UBE2E2: variants seen among roughly 807,000 people sequenced by gnomAD.
UBE2E2 encodes the protein ubiquitin-conjugating enzyme E2 E2.
Under a neutral mutation model 24.7 loss-of-function variants are expected in UBE2E2, and 6 were observed. The ratio of observed to expected loss-of-function variants is 0.24; its 90% CI spans 0.13 to 0.48. The LOEUF is 0.48. Among genes scored for constraint, UBE2E2 ranks in the 20% least tolerant of loss-of-function variants. The probability of loss-of-function intolerance (pLI) is 0.99; values close to 1 mark genes in which losing one functional copy is unlikely to be tolerated. For synonymous variants in UBE2E2, 104 were observed against 83.6 expected, an observed-to-expected ratio of 1.24 and a Z score of -1.33; for missense variants, 169 against 245.0, an observed-to-expected ratio of 0.69 and a Z score of 2.07.
chr3:23,591,734 A>G lies in UBE2E2; in HGVS notation c.*1903A>G, dbSNP rs1034010391. The G allele has an allele frequency of 2.0e-5, 3 of 152,246 alleles. No homozygotes were observed. Among genetic ancestry groups the G allele is most frequent in the African/African-American group, 7.2e-5 (3 of 41,468 alleles). 9.4% of individuals were successfully genotyped at this position (152,246 alleles called of 1,614,324 possible). ...ATAGACTGGGGGCTGGATGAAAAAC[A>G]AATAACGATGTGTCATTTCTTTCTT... On this transcript the variant is annotated 3_prime_UTR_variant, in exon 6 of 6. Coordinates refer to ENST00000396703, the MANE Select transcript of UBE2E2 (RefSeq NM_152653.4).
In UBE2E2 at chr3:23,230,112, T is replaced by G. The variant is rs192022820; in HGVS notation, c.227+12800T>G. Among the ~76,000 whole-genome samples the G allele has an allele frequency of 5.9e-5, 9 of 152,322 alleles. No homozygotes were observed. The East Asian group carries it at 1.7e-3, about 29-fold the overall frequency. On this transcript the variant is annotated intron_variant, in intron 3 of 5. Transcript: ENST00000396703. ...CTCCCCTCTGCTATCCACCATTATA[T>G]TCTAAGGACTCTTAAATATTGTGGG...
chr3:23,431,504 T>TAA lies in UBE2E2; in HGVS notation c.228-68098_228-68097dup, dbSNP rs11397342. On this transcript the variant is annotated intron_variant, in intron 3 of 5. Coordinates refer to ENST00000396703, the MANE Select transcript of UBE2E2 (RefSeq NM_152653.4). ...ATTAATATGGATAGATTTAAATCAT[T>TAA]AAAAAAACTTCTCTGATGCCTGTGA... Among the ~76,000 whole-genome samples, 582 of 151,854 alleles carry TAA rather than the reference T, an allele frequency of 3.8e-3. 2 individuals are homozygous for TAA. Among genetic ancestry groups the TAA allele is most frequent in the Non-Finnish European group, 6.5e-3 (440 of 67,952 alleles).
intron 3 of UBE2E2, among the ~76,000 whole-genome samples, chr3:23,488,790 G>A (rs115920994): frequency 5.6e-4 from 86 of 152,308 alleles, no homozygotes; most frequent in African/African-American, 2.0e-3. Flanking sequence ...CAGGTGGGAG[G>A]TGGGGGCGGA....
chr3:23,345,478 C>A (rs1695527283), intron 3 of UBE2E2, among the ~76,000 whole-genome samples: 1 of 152,130 alleles, frequency 6.6e-6, no homozygotes, highest in African/African-American at 2.4e-5. Context: ...GCAAAACATT[C>A]TTTAGAGCTT....
At chr3:23,231,295 A>C (rs567159759) in intron 3 of UBE2E2, among the ~76,000 whole-genome samples, 1 of 152,152 alleles carries the variant, frequency 6.6e-6, no homozygotes, top group Admixed American at 6.5e-5. Flanking sequence ...TATACTTGCT[A>C]TCAGTTCCAC....
rs925050991 is a variant in UBE2E2 at position 23,484,730 on chromosome 3, C to T, written c.228-14878C>T. Among the ~76,000 whole-genome samples the T allele has an allele frequency of 2.2e-4, 33 of 152,156 alleles. No individual in the cohort carries two copies. The East Asian group carries it at 2.7e-3, about 12-fold the overall frequency. ...CTGGGAAGGCCTCACAATCATGGCG[C>T]GAGGTGAAGGGGGAGCAAAGGCAGG... is the stretch of plus-strand genomic sequence containing the variant. On this transcript the variant is annotated intron_variant, in intron 3 of 5. Coordinates refer to ENST00000396703, the MANE Select transcript of UBE2E2 (RefSeq NM_152653.4).
intron 3 of UBE2E2, among the ~76,000 whole-genome samples, chr3:23,326,644 T>C (rs1242888949): frequency 1.3e-5 from 2 of 152,230 alleles, no homozygotes; most frequent in African/African-American, 4.8e-5. Flanking sequence ...TTTCCAGAAG[T>C]CTTTTAATGG....
At chr3:23,276,051 C>A (rs7630344) in intron 3 of UBE2E2, among the ~76,000 whole-genome samples, 1 of 151,746 alleles carries the variant, frequency 6.6e-6, no homozygotes, top group Non-Finnish European at 1.5e-5. Flanking sequence ...AAAGTAGAGA[C>A]AAGCCTATTT....
intron 3 of UBE2E2, among the ~76,000 whole-genome samples, chr3:23,336,251 A>C (rs1472351823): frequency 6.6e-6 from 1 of 152,214 alleles, no homozygotes; most frequent in Non-Finnish European, 1.5e-5. Context: ...GGGAAGAAAA[A>C]GGGGAAGAGA....
intron 3 of UBE2E2, among the ~76,000 whole-genome samples, chr3:23,300,779 G>T (rs1184146905): frequency 6.6e-6 from 1 of 151,898 alleles, no homozygotes; most frequent in Non-Finnish European, 1.5e-5. Flanking sequence ...TGCTCTTCTC[G>T]AGAAGTATCT....
At chr3:23,470,305 C>T (rs1033574330) in intron 3 of UBE2E2, among the ~76,000 whole-genome samples, 1 of 152,138 alleles carries the variant, frequency 6.6e-6, no homozygotes, top group Non-Finnish European at 1.5e-5. Context: ...GTTCTCTGCT[C>T]ACAAGAAAGA....
chr3:23,274,430 G>A (rs1304291176), intron 3 of UBE2E2, among the ~76,000 whole-genome samples: 1 of 152,134 alleles, frequency 6.6e-6, no homozygotes, highest in Admixed American at 6.5e-5. Context: ...CAGTGGCAAG[G>A]TCACGGTTCA....
intron 3 of UBE2E2, among the ~76,000 whole-genome samples, chr3:23,287,183 T>C (rs1559333848): frequency 6.6e-6 from 1 of 152,142 alleles, no homozygotes; most frequent in Admixed American, 6.5e-5. Context: ...AATGATCATA[T>C]GGTTTTTGTC....
chr3:23,580,735 T>C (rs1024716905), intron 5 of UBE2E2, among the ~76,000 whole-genome samples: 12 of 152,202 alleles, frequency 7.9e-5, no homozygotes, highest in African/African-American at 2.7e-4. Flanking sequence ...ATGCTTGAAC[T>C]AAATGTTGAG....
chr3:23,439,608 A>G (rs946782075), intron 3 of UBE2E2, among the ~76,000 whole-genome samples: 1 of 152,194 alleles, frequency 6.6e-6, no homozygotes, highest in Non-Finnish European at 1.5e-5. Flanking sequence ...TACTCTTATA[A>G]TGAACTTTCT....
At chr3:23,460,473 A>C (rs570700678) in intron 3 of UBE2E2, among the ~76,000 whole-genome samples, 10 of 152,324 alleles carry the variant, frequency 6.6e-5, no homozygotes, top group Middle Eastern at 3.4e-3. Context: ...CGAGGCTCTT[A>C]GCATGATTTT....
chr3:23,580,642 A>G (rs1047801534), intron 5 of UBE2E2, among the ~76,000 whole-genome samples: 1 of 152,214 alleles, frequency 6.6e-6, no homozygotes, highest in African/African-American at 2.4e-5. Context: ...TTGCAGTGCA[A>G]TGATAGAGAT....
At chr3:23,467,182 AT>A (rs1698937296) in intron 3 of UBE2E2, among the ~76,000 whole-genome samples, 5 of 152,220 alleles carry the variant, frequency 3.3e-5, no homozygotes, top group Admixed American at 3.3e-4. Context: ...TTATCAGGTA[AT>A]ATACAGTACT....
At chr3:23,505,605 T>C (rs1694429179) in intron 4 of UBE2E2, among the ~76,000 whole-genome samples, 1 of 152,226 alleles carries the variant, frequency 6.6e-6, no homozygotes, top group African/African-American at 2.4e-5. Flanking sequence ...AAAGTGTCTG[T>C]AAGTGAAATT....
Sources: allele counts gnomAD v4.1 joint callset (sites outside exome capture counted in the v4.1 genomes callset), GRCh38; gene constraint gnomAD v4.1.1; transcripts MANE v1.5; gene names NCBI Gene and HGNC (gene_info 2026-07-23, HGNC 2026-07-21).